TBX5: variants seen among roughly 807,000 people sequenced by gnomAD.
The protein encoded by TBX5 is T-box transcription factor TBX5.
TBX5 carries 8 observed loss-of-function variants against 51.1 expected under a neutral mutation model. That is an observed-to-expected ratio of 0.16 (90% CI 0.09 to 0.28). The LOEUF (loss-of-function observed/expected upper bound fraction) is 0.28. Ranked by LOEUF, TBX5 falls within the 10% of genes least tolerant of loss-of-function variation. TBX5 has a pLI of 1.00. For missense variants in TBX5, 589 were observed against 671.7 expected (o/e 0.88, Z 1.36); for synonymous variants, 302 against 266.4 (o/e 1.13, Z -1.30).
chr12:114,390,187 A>G (rs1336175221), intron 6 of TBX5, among the ~76,000 whole-genome samples: 1 of 152,254 alleles, frequency 6.6e-6, no homozygotes, highest in African/African-American at 2.4e-5. Flanking sequence ...ATAGATGCCT[A>G]TATGACCTAA....
At chr12:114,379,348 T>A (rs975335751) in intron 7 of TBX5, among the ~76,000 whole-genome samples, 3 of 152,178 alleles carry the variant, frequency 2.0e-5, no homozygotes, top group Non-Finnish European at 4.4e-5. Flanking sequence ...TGTAGGGAAC[T>A]TGGGGACTTT....
intron 7 of TBX5, among the ~76,000 whole-genome samples, chr12:114,366,712 G>A (rs1317101050): frequency 6.6e-6 from 1 of 152,170 alleles, no homozygotes; most frequent in Non-Finnish European, 1.5e-5. Flanking sequence ...TTTGAAATAT[G>A]TCAATTTAGT....
intron 7 of TBX5, among the ~76,000 whole-genome samples, chr12:114,370,211 A>T (rs1427148640): frequency 1.3e-5 from 2 of 148,660 alleles, no homozygotes; most frequent in Non-Finnish European, 1.5e-5. Context: ...AGCCTGGATG[A>T]CAAGAGTGAA....
In TBX5 at chr12:114,355,997, C is replaced by T. The variant is rs1311014458; in HGVS notation, c.1092G>A (p.Leu364=). The T allele has an allele frequency of 1.2e-6, 2 of 1,614,158 alleles. No homozygotes were observed. Among genetic ancestry groups the T allele is most frequent in the South Asian group, 2.2e-5 (2 of 91,084 alleles). Reference sequence around the variant, plus strand: ...CCGACTCTGTCCTGTAGGAGGCACCCAGGCCCTGCTGCTGTGGATAGCTAG... The same window carrying T: ...CCGACTCTGTCCTGTAGGAGGCACCTAGGCCCTGCTGCTGTGGATAGCTAG... ...YRSSYPQQQG[L]GASYRTESAQ... is the part of the protein sequence containing the mutation. The change falls in exon 9 of 9, where the codon CTG becomes CTA. Residue 364 remains leucine (L), a synonymous_variant. Transcript: ENST00000405440.
At position 114,354,044 on chromosome 12, in the gene TBX5, G is replaced by A. The variant is rs905097059; in HGVS notation, c.*1488C>T. On this transcript the variant is annotated 3_prime_UTR_variant, in exon 9 of 9. Coordinates refer to ENST00000405440, the MANE Select transcript of TBX5 (RefSeq NM_181486.4). Reference sequence around the variant, plus strand: ...AACGTAAAGAGACATAATCGCATAGGGACACTCACTTACAAACACACTCAC... The same window carrying A: ...AACGTAAAGAGACATAATCGCATAGAGACACTCACTTACAAACACACTCAC... 1 of 152,176 alleles carries A rather than the reference G, an allele frequency of 6.6e-6. No individual in the cohort carries two copies. Among genetic ancestry groups the A allele is most frequent in the African/African-American group, 2.4e-5 (1 of 41,254 alleles). The allele number at this position is 152,176 out of a possible 1,614,324, so 9.4% of individuals were successfully genotyped here. A position where few individuals can be genotyped will look rare whatever the true frequency, so the allele number is the denominator to read the frequency against.
Position 114,398,564 on chromosome 12 carries a change from G to A in TBX5, c.510+9C>T, listed in dbSNP as rs758049083. On this transcript the variant is annotated intron_variant, in intron 5 of 8. Coordinates refer to ENST00000405440, the MANE Select transcript of TBX5 (RefSeq NM_181486.4). ...AGACAAGGCGGGGAATCCAGGCCACGGTACTCACATGCCCAAATGGGTCCA... is the reference window on the plus strand; with the variant it reads ...AGACAAGGCGGGGAATCCAGGCCACAGTACTCACATGCCCAAATGGGTCCA... 5 of 1,612,068 alleles carry A rather than the reference G, an allele frequency of 3.1e-6. No individual in the cohort carries two copies. The South Asian group carries it at 4.4e-5, about 14-fold the overall frequency.
At chr12:114,403,409 T>G (rs1871964517) in intron 2 of TBX5, among the ~76,000 whole-genome samples, 1 of 152,130 alleles carries the variant, frequency 6.6e-6, no homozygotes. Context: ...ATTCTACACA[T>G]AGTGCAGAGG....
intron 1 of TBX5, among the ~76,000 whole-genome samples, chr12:114,405,246 G>A (rs1872131401): frequency 6.6e-6 from 1 of 152,090 alleles, no homozygotes. Context: ...TCAGGGAGGC[G>A]GCGACTGGAG....
rs11067092 is a variant in TBX5, at chr12:114,383,007, A to G, written c.755+2469T>C. ...AAAAAAAAAAAAAAGAGCTTTTAGA[A>G]AAGACTCCCTTGATGACTGACATCT... is the stretch of plus-strand genomic sequence containing the variant. On this transcript the variant is annotated intron_variant, in intron 7 of 8. Transcript: ENST00000405440. 1.7e-3 allele frequency among the ~76,000 whole-genome samples: 259 copies of G among 151,998 alleles called. 2 individuals carry two copies. The highest frequency in any genetic ancestry group is 5.7e-3 in the African/African-American group (237 of 41,468).
chr12:114,362,366 G>A (rs944345308), intron 8 of TBX5, among the ~76,000 whole-genome samples: 2 of 152,128 alleles, frequency 1.3e-5, no homozygotes, highest in African/African-American at 4.8e-5. Context: ...GCATCTCACT[G>A]GTCCCTGCCT....
intron 1 of TBX5, among the ~76,000 whole-genome samples, 186 bp downstream of exon 1, chr12:114,405,442 C>T (rs1872146870): frequency 6.6e-6 from 1 of 152,188 alleles, no homozygotes; most frequent in African/African-American, 2.4e-5. Flanking sequence ...ACCTCAATGC[C>T]GCTCCGCCAG....
At chr12:114,408,260 A>C, upstream of TBX5, 1 of 965,424 alleles carries the variant, frequency 1.0e-6, no homozygotes, top group Non-Finnish European at 1.2e-6. Flanking sequence ...ACATAAACCA[A>C]CCCGGCTTTC....
intron 1 of TBX5, among the ~76,000 whole-genome samples, chr12:114,404,265 T>A (rs1385554718): frequency 6.6e-6 from 1 of 152,158 alleles, no homozygotes; most frequent in Non-Finnish European, 1.5e-5. Flanking sequence ...TCTGGACTTC[T>A]GGAAGAGCCA....
upstream of TBX5, chr12:114,407,665 G>A (rs1459969591): frequency 5.2e-5 from 37 of 705,924 alleles, no homozygotes; most frequent in Non-Finnish European, 6.3e-5. Flanking sequence ...CTTGCCAGGT[G>A]ACACACGAAG....
intron 7 of TBX5, among the ~76,000 whole-genome samples, chr12:114,380,858 A>AAAC: frequency 6.6e-6 from 1 of 151,754 alleles, no homozygotes; most frequent in Non-Finnish European, 1.5e-5. Context: ...ATTAAAAAAA[A>AAAC]AACTCCTTTG....
At chr12:114,360,670 G>A (rs1277453131) in intron 8 of TBX5, among the ~76,000 whole-genome samples, 1 of 150,508 alleles carries the variant, frequency 6.6e-6, no homozygotes, top group African/African-American at 2.4e-5. Flanking sequence ...ATGAGTGAGT[G>A]GATAGATAGA....
At chr12:114,384,107 A>G (rs1439601097) in intron 7 of TBX5, among the ~76,000 whole-genome samples, 3 of 152,230 alleles carry the variant, frequency 2.0e-5, no homozygotes, top group Non-Finnish European at 4.4e-5. Context: ...GCTTAAAACC[A>G]AAAATAAATT....
intron 6 of TBX5, among the ~76,000 whole-genome samples, chr12:114,386,749 A>T (rs1318213352): frequency 6.6e-6 from 1 of 152,202 alleles, no homozygotes; most frequent in African/African-American, 2.4e-5. Context: ...ACAAACCAGT[A>T]CTGAACTGAG....
At chr12:114,378,512 T>C (rs1389279084) in intron 7 of TBX5, among the ~76,000 whole-genome samples, 1 of 152,252 alleles carries the variant, frequency 6.6e-6, no homozygotes, top group African/African-American at 2.4e-5. Flanking sequence ...GACACTGTGC[T>C]GTGTGCTTCC....
Sources: gnomAD v4.1 joint callset for allele counts (sites outside exome capture counted in the v4.1 genomes callset) on GRCh38, gnomAD v4.1.1 for gene constraint, MANE v1.5 for transcripts, NCBI Gene and HGNC (gene_info 2026-07-23, HGNC 2026-07-21) for gene names.